ECHDC1: variants seen among roughly 807,000 people sequenced by gnomAD.
ECHDC1 encodes ethylmalonyl-CoA decarboxylase.
ECHDC1 carries 29 observed loss-of-function variants against 29.7 expected under a neutral mutation model. The observed-to-expected ratio is 0.98, with a 90% CI of 0.73 to 1.33. The LOEUF (loss-of-function observed/expected upper bound fraction) is 1.33. Among genes scored for constraint, ECHDC1 ranks in the 40% most tolerant of loss-of-function variants. The probability of loss-of-function intolerance (pLI) is 0.00; values close to 1 mark genes in which losing one functional copy is unlikely to be tolerated. For synonymous variants in ECHDC1, 126 were observed against 123.1 expected, an observed-to-expected ratio of 1.02 and a Z score of -0.15; for missense variants, 328 against 350.0, an observed-to-expected ratio of 0.94 and a Z score of 0.50.
chr6:127,331,120 C>T (rs1418079947), intron 1 of ECHDC1, 90 bp from the exon 2 acceptor site: 2 of 938,048 alleles, frequency 2.1e-6, no homozygotes, highest in African/African-American at 1.7e-5. Context: ...GTAATGGACC[C>T]TTCTGTTGAG....
chr6:127,323,899 T>A (rs142837900), intron 3 of ECHDC1, among the ~76,000 whole-genome samples: 5 of 152,312 alleles, frequency 3.3e-5, no homozygotes, highest in Admixed American at 2.0e-4. Context: ...AGGAAGATGA[T>A]AGTATTTCTA....
At chr6:127,312,091 T>C (rs1781991580) in intron 5 of ECHDC1, among the ~76,000 whole-genome samples, 1 of 152,124 alleles carries the variant, frequency 6.6e-6, no homozygotes, top group African/African-American at 2.4e-5. Flanking sequence ...GAGAAAGTAT[T>C]CTTTCTCCTA....
At chr6:127,318,395 CTTAA>C (rs1194788945) in intron 3 of ECHDC1, among the ~76,000 whole-genome samples, 4 of 152,018 alleles carry the variant, frequency 2.6e-5, no homozygotes, top group African/African-American at 9.7e-5. Flanking sequence ...ATTTTTATGC[CTTAA>C]TTATAGTACT....
intron 3 of ECHDC1, among the ~76,000 whole-genome samples, chr6:127,324,536 A>T (rs764917187): frequency 2.3e-4 from 35 of 152,194 alleles, no homozygotes; most frequent in Non-Finnish European, 3.8e-4. Context: ...AATGTACTTG[A>T]AAAACAGAAA....
intron 3 of ECHDC1, among the ~76,000 whole-genome samples, chr6:127,324,191 T>C (rs1582986782): frequency 6.6e-6 from 1 of 152,168 alleles, no homozygotes; most frequent in African/African-American, 2.4e-5. Context: ...AAGTACTGAC[T>C]TCATATGACT....
chr6:127,299,244 T>C (rs1383498319), intron 5 of ECHDC1, among the ~76,000 whole-genome samples: 1 of 151,968 alleles, frequency 6.6e-6, no homozygotes, highest in Non-Finnish European at 1.5e-5. Flanking sequence ...CTCAGGCAGG[T>C]CCTTCAGGAG....
At chr6:127,329,112 A>G (rs6939662) in intron 2 of ECHDC1, among the ~76,000 whole-genome samples, 45,420 of 151,598 alleles carry the variant, frequency 0.3, 8,551 homozygotes, top group Non-Finnish European at 0.44. Flanking sequence ...TATGGTGCTG[A>G]TTTTTTTTTA....
chr6:127,335,898 C>T (rs1385741735), intron 1 of ECHDC1, among the ~76,000 whole-genome samples: 3 of 152,066 alleles, frequency 2.0e-5, no homozygotes, highest in Non-Finnish European at 2.9e-5. Context: ...AGACATCCTT[C>T]CATCCCATCA....
At chr6:127,331,051 T>G (rs1409851537) in intron 1 of ECHDC1, 21 bp from the exon 2 acceptor site, 1 of 1,591,114 alleles carries the variant, frequency 6.3e-7, no homozygotes, top group Non-Finnish European at 8.6e-7. Context: ...GAAATAAGTA[T>G]GCGGTAGTAT....
chr6:127,306,283 A>T (rs1198331961), intron 5 of ECHDC1, among the ~76,000 whole-genome samples: 1 of 152,152 alleles, frequency 6.6e-6, no homozygotes, highest in African/African-American at 2.4e-5. Context: ...CCATCACTGG[A>T]GCACCCAGAT....
At chr6:127,325,976 T>A (rs1414291763) in intron 3 of ECHDC1, among the ~76,000 whole-genome samples, 1 of 152,136 alleles carries the variant, frequency 6.6e-6, no homozygotes, top group Admixed American at 6.5e-5. Flanking sequence ...GCACTCATAT[T>A]ATAGGTGTGA....
chr6:127,326,423 C>T lies in ECHDC1; in HGVS notation c.363+579G>A, dbSNP rs1351645427. 5 of 377,740 alleles carry T rather than the reference C, an allele frequency of 1.3e-5. No individual in the cohort carries two copies. In the Admixed American group the frequency reaches 1.5e-4, roughly 12 times the overall value. 23.4% of individuals were successfully genotyped at this position (377,740 alleles called of 1,614,324 possible). A position where few individuals can be genotyped will look rare whatever the true frequency, so the allele number is the denominator to read the frequency against. On this transcript the variant is annotated intron_variant, in intron 3 of 5. Coordinates refer to ENST00000454859, the MANE Select transcript of ECHDC1 (RefSeq NM_001002030.2). The stretch of plus-strand genomic sequence containing the variant: ...GTCTTTTCTTCATAAACTACCCAGT[C>T]TCAGGTAGATCTTTAGAGCAGTGTG...
rs557188424 is a variant in ECHDC1, at chr6:127,299,704, G to A, written c.498-9427C>T. On this transcript the variant is annotated intron_variant, in intron 5 of 5. Coordinates refer to ENST00000454859, the MANE Select transcript of ECHDC1 (RefSeq NM_001002030.2). ...AGGCTGTTTACATTTAATTTTTTATGTGTAAAAGTAAAAGGAGTACATTCT... is the reference window on the plus strand; with the variant it reads ...AGGCTGTTTACATTTAATTTTTTATATGTAAAAGTAAAAGGAGTACATTCT... Among the ~76,000 whole-genome samples, 7 of 152,200 alleles carry A rather than the reference G, an allele frequency of 4.6e-5. No homozygotes were observed. The East Asian group carries it at 7.7e-4, about 17-fold the overall frequency.
In ECHDC1 at chr6:127,340,306, C is replaced by T. The variant is rs139056451; in HGVS notation, c.-3+3030G>A. On this transcript the variant is annotated intron_variant, in intron 1 of 5. Transcript: ENST00000454859. ...TTACCCAGTAGGTATTGAGATAAGA[C>T]TTGACTCACTGTGTCCTTCCCTTCT... Among the ~76,000 whole-genome samples the T allele has an allele frequency of 6.3e-3, 963 of 152,308 alleles. 9 individuals carry two copies. Among genetic ancestry groups the T allele is most frequent in the African/African-American group, 0.022 (929 of 41,560 alleles).
intron 5 of ECHDC1, among the ~76,000 whole-genome samples, chr6:127,312,216 T>TA (rs1321719896): frequency 5.3e-5 from 8 of 152,176 alleles, no homozygotes; most frequent in Admixed American, 2.0e-4. Flanking sequence ...ACAGAATATA[T>TA]AAAAAACTCC....
chr6:127,295,309 G>A (rs1027043291), intron 5 of ECHDC1, among the ~76,000 whole-genome samples: 4 of 152,110 alleles, frequency 2.6e-5, no homozygotes, highest in African/African-American at 7.2e-5. Flanking sequence ...AGCTGGAAAT[G>A]CTAATACCTT....
At chr6:127,327,726 T>C (rs886994949) in intron 2 of ECHDC1, among the ~76,000 whole-genome samples, 1 of 152,184 alleles carries the variant, frequency 6.6e-6, no homozygotes, top group African/African-American at 2.4e-5. Flanking sequence ...AGGCATACGA[T>C]GGAAGTTCTT....
intron 3 of ECHDC1, 23 bp downstream of exon 3, chr6:127,326,979 T>C (rs753084923): frequency 6.2e-7 from 1 of 1,602,128 alleles, no homozygotes; most frequent in Non-Finnish European, 8.5e-7. Context: ...TAGAATCAAA[T>C]GCATAATTCA....
At chr6:127,311,699 G>GAAAAGAA (rs1781939464) in intron 5 of ECHDC1, among the ~76,000 whole-genome samples, 2 of 60,634 alleles carry the variant, frequency 3.3e-5, no homozygotes, top group African/African-American at 6.2e-5. Flanking sequence ...AAAAAAAAAA[G>GAAAAGAA]AAAAGAAAAA....
Sources: gnomAD v4.1 joint callset for allele counts (sites outside exome capture counted in the v4.1 genomes callset) on GRCh38, gnomAD v4.1.1 for gene constraint, MANE v1.5 for transcripts, NCBI Gene and HGNC (gene_info 2026-07-23, HGNC 2026-07-21) for gene names.